Variants in MED12L observed in about 807,000 individuals in gnomAD.
The protein encoded by MED12L is mediator complex subunit 12L, also known as mediator of RNA polymerase II transcription subunit 12-like protein.
In MED12L, 60 loss-of-function variants were observed where a neutral mutation model predicts 281.3. The observed-to-expected ratio is 0.21, with a 90% CI of 0.17 to 0.26. The LOEUF is 0.26. Among genes scored for constraint, MED12L ranks in the 10% least tolerant of loss-of-function variants. MED12L has a pLI of 1.00. For synonymous variants in MED12L, 974 were observed against 987.2 expected, an observed-to-expected ratio of 0.99 and a Z score of 0.25; for missense variants, 2,146 against 2,680.9, an observed-to-expected ratio of 0.80 and a Z score of 4.41.
rs1198663511 is a variant in MED12L, at chr3:151,176,339, A to G, written c.1495-8991A>G. 2.0e-5 allele frequency among the ~76,000 whole-genome samples: 3 copies of G among 152,146 alleles called. No individual in the cohort carries two copies. In the East Asian group the frequency reaches 5.8e-4, roughly 29 times the overall value. On this transcript the variant is annotated intron_variant, in intron 11 of 44. Coordinates refer to ENST00000687756, the MANE Select transcript of MED12L (RefSeq NM_001393769.1). ...GTTAATTTTGGTCCATATTTGGTTC[A>G]CTTTCAAGAGTTATGTTGTGGCAAG...
At chr3:151,270,479 A>G (rs1423181336) in intron 16 of MED12L, among the ~76,000 whole-genome samples, 1 of 152,128 alleles carries the variant, frequency 6.6e-6, no homozygotes, top group Non-Finnish European at 1.5e-5. Flanking sequence ...TGGAATTTGC[A>G]TGGTGCTAAG....
At chr3:151,239,561 A>G (rs890051621) in intron 16 of MED12L, among the ~76,000 whole-genome samples, 2 of 152,208 alleles carry the variant, frequency 1.3e-5, no homozygotes, top group Admixed American at 1.3e-4. Flanking sequence ...ATTTTTCATA[A>G]AAATGTTACT....
intron 16 of MED12L, among the ~76,000 whole-genome samples, chr3:151,330,538 A>G (rs986201538): frequency 6.6e-6 from 1 of 152,168 alleles, no homozygotes; most frequent in African/African-American, 2.4e-5. Flanking sequence ...AGCGGAAATT[A>G]GGAGATCTTA....
At chr3:151,204,114 A>G (rs1726031448) in intron 16 of MED12L, among the ~76,000 whole-genome samples, 1 of 152,198 alleles carries the variant, frequency 6.6e-6, no homozygotes, top group African/African-American at 2.4e-5. Context: ...TTTCTGGTTC[A>G]AAGTTGATGT....
intron 39 of MED12L, among the ~76,000 whole-genome samples, chr3:151,402,620 C>T (rs1004345032): frequency 1.3e-5 from 2 of 152,186 alleles, no homozygotes; most frequent in Non-Finnish European, 2.9e-5. Flanking sequence ...GGTTCCAAAG[C>T]CCCTTAGTTG....
intron 16 of MED12L, among the ~76,000 whole-genome samples, chr3:151,311,333 G>GTGTA (rs1553775660): frequency 0.014 from 2,062 of 150,964 alleles, 43 homozygotes; most frequent in African/African-American, 0.047. Flanking sequence ...GTGTGTGTGT[G>GTGTA]TATATATATA....
At chr3:151,397,547 G>C (rs1214898467) in intron 39 of MED12L, among the ~76,000 whole-genome samples, 1 of 152,046 alleles carries the variant, frequency 6.6e-6, no homozygotes, top group Admixed American at 6.6e-5. Flanking sequence ...AGCAAATATG[G>C]TCTTATGGCA....
chr3:151,140,947 A>C (rs1054717083), intron 5 of MED12L, among the ~76,000 whole-genome samples: 1 of 152,098 alleles, frequency 6.6e-6, no homozygotes, highest in African/African-American at 2.4e-5. Context: ...GGCTCACTGC[A>C]AACTCCGCAT....
rs964992100 is a variant in MED12L, at chr3:151,255,140, A to G, written c.2250+61474A>G. ...TCACAAATAGGCAGGCTGAAGATTG[A>G]CTTATGGAATTGATGAAGCTGTTGG... On this transcript the variant is annotated intron_variant, in intron 16 of 44. Transcript: ENST00000687756. 3.9e-5 allele frequency among the ~76,000 whole-genome samples: 6 copies of G among 152,170 alleles called. No individual in the cohort carries two copies. The South Asian group carries it at 6.2e-4, about 16-fold the overall frequency.
intron 16 of MED12L, among the ~76,000 whole-genome samples, chr3:151,205,389 GAGAA>G (rs1726204294): frequency 6.6e-6 from 1 of 152,176 alleles, no homozygotes; most frequent in Non-Finnish European, 1.5e-5. Context: ...GTTATGAATT[GAGAA>G]AGAAAATATT....
Position 151,134,932 on chromosome 3 carries a change from A to G in MED12L, c.556+6948A>G, listed in dbSNP as rs563230348. ...TGAGTTCCCTCTGGTGCATGATGAA[A>G]AGCCATGGAAGGGTTTATTATTACT... On this transcript the variant is annotated intron_variant, in intron 5 of 44. Transcript: ENST00000687756. 1.1e-4 allele frequency among the ~76,000 whole-genome samples: 15 copies of G among 133,314 alleles called. No individual in the cohort carries two copies. In the South Asian group the frequency reaches 3.4e-3, roughly 30 times the overall value. 87.5% of individuals were successfully genotyped at this position (133,314 alleles called of 152,430 possible). A position where few individuals can be genotyped will look rare whatever the true frequency, so the allele number is the denominator to read the frequency against.
At chr3:151,353,403 C>T (rs958666912) in intron 17 of MED12L, among the ~76,000 whole-genome samples, 2 of 152,144 alleles carry the variant, frequency 1.3e-5, no homozygotes, top group African/African-American at 4.8e-5. Flanking sequence ...TGAGAATAGA[C>T]ATTGAAAAAA....
chr3:151,387,559 A>G (rs1713599207), intron 36 of MED12L, among the ~76,000 whole-genome samples: 1 of 152,210 alleles, frequency 6.6e-6, no homozygotes, highest in African/African-American at 2.4e-5. Flanking sequence ...ACAATAAAAT[A>G]TGCTAGACTG....
intron 16 of MED12L, among the ~76,000 whole-genome samples, chr3:151,201,798 T>TGC (rs1725633208): frequency 6.6e-6 from 1 of 152,242 alleles, no homozygotes; most frequent in Non-Finnish European, 1.5e-5. Flanking sequence ...TGTGCATTGA[T>TGC]ATAGTGTCAC....
intron 44 of MED12L, 100 bp from the exon 45 acceptor site, chr3:151,432,652 G>A: frequency 1.2e-6 from 1 of 857,098 alleles, no homozygotes; most frequent in Non-Finnish European, 1.9e-6. Flanking sequence ...CTGTTTCCCT[G>A]TACCTGCAGC....
chr3:151,386,708 T>C (rs1448479639), intron 36 of MED12L, among the ~76,000 whole-genome samples: 1 of 151,900 alleles, frequency 6.6e-6, no homozygotes, highest in African/African-American at 2.4e-5. Flanking sequence ...CCTGAGTAGC[T>C]GAGATTACAG....
At chr3:151,252,236 T>C (rs1737000772) in intron 16 of MED12L, among the ~76,000 whole-genome samples, 1 of 152,210 alleles carries the variant, frequency 6.6e-6, no homozygotes, top group Non-Finnish European at 1.5e-5. Context: ...AATTTATTAG[T>C]AACCTTCTGT....
chr3:151,387,893 C>G lies in MED12L; in HGVS notation c.5172C>G (p.Ala1724=). Residue 1724 remains alanine, a synonymous_variant, in exon 37 of 45, where the codon GCC becomes GCG. Coordinates refer to ENST00000687756, the MANE Select transcript of MED12L (RefSeq NM_001393769.1). ...AGAACCCAGCTCCTTTGTCCTGGGC[C>G]TGGTTTGGGACAGTCCGAGTGGACC... ...GQKNPAPLSW[A]WFGTVRVDRR... is the part of the protein sequence containing the mutation. The G allele has an allele frequency of 6.2e-7, 1 of 1,614,102 alleles. No homozygotes were observed. Among genetic ancestry groups the G allele is most frequent in the Non-Finnish European group, 8.5e-7 (1 of 1,180,006 alleles).
chr3:151,126,955 G>A (rs563626484), intron 4 of MED12L, among the ~76,000 whole-genome samples: 5 of 152,280 alleles, frequency 3.3e-5, no homozygotes, highest in Admixed American at 2.6e-4. Context: ...CATGGCTGGC[G>A]TGGGGCATGT....
Sources: gnomAD v4.1 joint callset for allele counts (sites outside exome capture counted in the v4.1 genomes callset) on GRCh38, gnomAD v4.1.1 for gene constraint, MANE v1.5 for transcripts, NCBI Gene and HGNC (gene_info 2026-07-23, HGNC 2026-07-21) for gene names.